SHISA9: variants seen among roughly 807,000 people sequenced by gnomAD.
SHISA9 encodes the protein protein shisa-9.
Under a neutral mutation model 38.0 loss-of-function variants are expected in SHISA9, and 13 were observed. That is an observed-to-expected ratio of 0.34 (90% CI 0.22 to 0.54). SHISA9 has a LOEUF of 0.54. Ranked by LOEUF, SHISA9 falls within the 20% of genes least tolerant of loss-of-function variation. The pLI, the probability that SHISA9 is intolerant of heterozygous loss-of-function variation, is 0.91. For missense variants in SHISA9, 538 were observed against 575.8 expected (o/e 0.93, Z 0.67); for synonymous variants, 275 against 242.0 (o/e 1.14, Z -1.27).
At chr16:13,260,505 CA>C in the SHISA9 span, among the ~76,000 whole-genome samples, 1,113 of 152,226 alleles carry the variant, frequency 7.3e-3, 6 homozygotes, top group Middle Eastern at 0.014. Flanking sequence ...GTCTCTAGTG[CA>C]GGGGCAAAAT....
chr16:13,373,185 A>G, the SHISA9 span, among the ~76,000 whole-genome samples: 2 of 152,324 alleles, frequency 1.3e-5, no homozygotes, highest in Middle Eastern at 3.4e-3. Flanking sequence ...TTACCCTGCA[A>G]TATGAGGAAG....
chr16:12,979,448 A>G (rs1387695615), intron 2 of SHISA9, among the ~76,000 whole-genome samples: 1 of 152,132 alleles, frequency 6.6e-6, no homozygotes, highest in Non-Finnish European at 1.5e-5. Context: ...TAATAATGTG[A>G]TAAGCGCCTG....
the SHISA9 span, among the ~76,000 whole-genome samples, chr16:13,525,486 A>G: frequency 6.6e-6 from 1 of 152,232 alleles, no homozygotes; most frequent in Admixed American, 6.5e-5. Context: ...AGAGCTAAGA[A>G]CAAGTGACAT....
the SHISA9 span, among the ~76,000 whole-genome samples, chr16:13,551,505 C>T: frequency 1.3e-5 from 2 of 152,156 alleles, no homozygotes; most frequent in South Asian, 4.1e-4. Flanking sequence ...CATGTAAATC[C>T]TGAGATACAC....
chr16:13,127,844 C>T (rs1405567262), intron 2 of SHISA9, among the ~76,000 whole-genome samples: 1 of 152,094 alleles, frequency 6.6e-6, no homozygotes, highest in African/African-American at 2.4e-5. Context: ...AGGCTGAAGT[C>T]CAGATGTAGC....
chr16:13,519,572 A>G, the SHISA9 span, among the ~76,000 whole-genome samples: 1 of 152,238 alleles, frequency 6.6e-6, no homozygotes, highest in Non-Finnish European at 1.5e-5. Context: ...CAGTTATAAC[A>G]TAGGTATGAG....
At chr16:13,233,684 C>A (rs976112223) in intron 4 of SHISA9, among the ~76,000 whole-genome samples, 1 of 152,174 alleles carries the variant, frequency 6.6e-6, no homozygotes, top group Non-Finnish European at 1.5e-5. Context: ...GATTTGGCCC[C>A]GTGGGCTATA....
intron 2 of SHISA9, among the ~76,000 whole-genome samples, chr16:13,014,993 C>G (rs1216092282): frequency 6.6e-6 from 1 of 152,206 alleles, no homozygotes; most frequent in African/African-American, 2.4e-5. Flanking sequence ...TGAAGATATC[C>G]TAATAAATGG....
chr16:13,450,454 A>T, the SHISA9 span, among the ~76,000 whole-genome samples: 4 of 152,240 alleles, frequency 2.6e-5, no homozygotes, highest in Non-Finnish European at 5.9e-5. Flanking sequence ...GAAGCCATTC[A>T]TGGCCACTTC....
chr16:13,013,965 G>A (rs1435352692), intron 2 of SHISA9, among the ~76,000 whole-genome samples: 3 of 152,022 alleles, frequency 2.0e-5, no homozygotes, highest in Non-Finnish European at 4.4e-5. Context: ...TCCTGACCTC[G>A]TGATCTGCCC....
intron 2 of SHISA9, among the ~76,000 whole-genome samples, chr16:13,073,297 A>G (rs1367225594): frequency 6.7e-6 from 1 of 148,326 alleles, no homozygotes; most frequent in Non-Finnish European, 1.5e-5. Flanking sequence ...GACTCAGGGT[A>G]GGAAACTTAT....
At chr16:13,471,514 C>T in the SHISA9 span, among the ~76,000 whole-genome samples, 4,213 of 152,130 alleles carry the variant, frequency 0.028, 145 homozygotes, top group East Asian at 0.21. Context: ...TGTGTTCCTT[C>T]CAAGCTGAAG....
chr16:13,495,841 C>T, the SHISA9 span, among the ~76,000 whole-genome samples: 1 of 151,880 alleles, frequency 6.6e-6, no homozygotes, highest in Non-Finnish European at 1.5e-5. Context: ...GAAACTAAAC[C>T]GATGGTATGT....
At chr16:13,543,620 T>C in the SHISA9 span, among the ~76,000 whole-genome samples, 2 of 152,074 alleles carry the variant, frequency 1.3e-5, no homozygotes, top group Non-Finnish European at 2.9e-5. Flanking sequence ...TTTCCACCAG[T>C]GATGCTCAAG....
intron 2 of SHISA9, among the ~76,000 whole-genome samples, chr16:13,000,955 A>G (rs1296763764): frequency 6.6e-6 from 1 of 151,910 alleles, no homozygotes; most frequent in African/African-American, 2.4e-5. Context: ...TTTGAGATGG[A>G]GTCTCACTCT....
Position 13,239,866 on chromosome 16 carries a change from C to T in SHISA9, c.*4457C>T, listed in dbSNP as rs1323159457. ...AGATCCCATTTGTCAATTTTGGCTT[C>T]CTCTTGGGAGGGTAGACAGACCTCA... On this transcript the variant is annotated 3_prime_UTR_variant, in exon 5 of 5. Transcript: ENST00000558583. 2 of 152,124 alleles carry T rather than the reference C, an allele frequency of 1.3e-5. No homozygotes were observed. The highest frequency in any genetic ancestry group is 2.4e-5 in the African/African-American group (1 of 41,432). 9.4% of individuals were successfully genotyped at this position (152,124 alleles called of 1,614,324 possible). A position where few individuals can be genotyped will look rare whatever the true frequency, so the allele number is the denominator to read the frequency against.
intron 2 of SHISA9, among the ~76,000 whole-genome samples, chr16:13,135,912 AT>A (rs780168261): frequency 2.2e-4 from 33 of 152,162 alleles, no homozygotes; most frequent in African/African-American, 2.4e-5. Context: ...GGGCTCCACT[AT>A]CAGGTCCTTT....
chr16:13,087,518 C>A (rs147031600), intron 2 of SHISA9, among the ~76,000 whole-genome samples: 1 of 152,154 alleles, frequency 6.6e-6, no homozygotes, highest in Non-Finnish European at 1.5e-5. Flanking sequence ...GATCGCCATT[C>A]TAAATGGTGT....
At chr16:12,977,639 A>G (rs1325939741) in intron 2 of SHISA9, among the ~76,000 whole-genome samples, 1 of 152,226 alleles carries the variant, frequency 6.6e-6, no homozygotes, top group Admixed American at 6.5e-5. Flanking sequence ...ATGCAGCCAT[A>G]AAAAGGAATG....
Sources: allele counts gnomAD v4.1 joint callset (sites outside exome capture counted in the v4.1 genomes callset), GRCh38; gene constraint gnomAD v4.1.1; transcripts MANE v1.5; gene names NCBI Gene and HGNC (gene_info 2026-07-23, HGNC 2026-07-21).